The following PKHD1L1 variants were observed in gnomAD, a reference collection of about 807,000 sequenced individuals.
The protein encoded by PKHD1L1 is fibrocystin-L.
In PKHD1L1, 434 loss-of-function variants were observed where a neutral mutation model predicts 462.9. The ratio of observed to expected loss-of-function variants is 0.94; its 90% CI spans 0.87 to 1.02. The LOEUF (loss-of-function observed/expected upper bound fraction) is 1.02. Among genes scored for constraint, PKHD1L1 ranks in the 50% least tolerant of loss-of-function variants. The probability of loss-of-function intolerance (pLI) is 0.00; values close to 1 mark genes in which losing one functional copy is unlikely to be tolerated. For missense variants in PKHD1L1, 5,202 were observed against 5,096.1 expected (o/e 1.02, Z -0.63); for synonymous variants, 1,781 against 1,750.0 (o/e 1.02, Z -0.44).
chr8:109,479,752 G>A, intron 54 of PKHD1L1, 113 bp downstream of exon 54: 2 of 863,790 alleles, frequency 2.3e-6, no homozygotes, highest in South Asian at 1.8e-5. Context: ...CAAGTGTGGA[G>A]AAGTGGACTC....
rs1820620259 is a variant in PKHD1L1, at chr8:109,522,831, G to A, written c.12271G>A (p.Ala4091Thr). The part of the protein sequence containing the change: ...SSLLVITQPV[A>T]AQPGQPFPQQ... ...ACTCTTAGTGATCACTCAGCCGGTG[G>A]CAGCACAGCCAGGACAGCCATTTCC... The change falls in exon 75 of 78, where the codon GCA becomes ACA. Residue 4091 changes from alanine to threonine, a missense_variant. Physicochemically the swap from Ala to Thr is moderately conservative, Grantham distance 58 (BLOSUM62 0). Coordinates refer to ENST00000378402, the MANE Select transcript of PKHD1L1 (RefSeq NM_177531.6). 4 of 1,612,088 alleles carry A rather than the reference G, an allele frequency of 2.5e-6. No individual in the cohort carries two copies. In the South Asian group the frequency reaches 4.4e-5, roughly 18 times the overall value.
chr8:109,464,054 G>A (rs1290659520), intron 48 of PKHD1L1, among the ~76,000 whole-genome samples, 162 bp from the exon 49 acceptor site: 1 of 151,928 alleles, frequency 6.6e-6, no homozygotes, highest in Non-Finnish European at 1.5e-5. Context: ...ATAAAACATG[G>A]TGGGTTGGGG....
At chr8:109,475,902 A>C (rs188835447) in intron 51 of PKHD1L1, among the ~76,000 whole-genome samples, 39 of 141,888 alleles carry the variant, frequency 2.7e-4, no homozygotes, top group African/African-American at 9.6e-4. Context: ...CATTCTGTGA[A>C]TATTTACTTT....
chr8:109,452,387 C>T, intron 42 of PKHD1L1, 107 bp downstream of exon 42: 2 of 1,059,570 alleles, frequency 1.9e-6, no homozygotes, highest in Non-Finnish European at 2.5e-6. Flanking sequence ...AAAAAAATAA[C>T]TGAGCTGTGA....
At chr8:109,414,731 C>G (rs903820040) in intron 21 of PKHD1L1, among the ~76,000 whole-genome samples, 8 of 151,966 alleles carry the variant, frequency 5.3e-5, no homozygotes, top group Non-Finnish European at 7.4e-5. Context: ...AGCTTCTCCT[C>G]TTGACACCCA....
chr8:109,408,472 C>T (rs1813676426), intron 18 of PKHD1L1, among the ~76,000 whole-genome samples: 1 of 152,122 alleles, frequency 6.6e-6, no homozygotes, highest in Non-Finnish European at 1.5e-5. Context: ...TGTGTAGAAG[C>T]TTTGAGTCCC....
chr8:109,472,606 C>A (rs1817779239), intron 50 of PKHD1L1, among the ~76,000 whole-genome samples: 2 of 151,900 alleles, frequency 1.3e-5, no homozygotes. Context: ...CAGGACATTG[C>A]AAATAGTAAC....
At chr8:109,440,630 A>G (rs1815724742) in intron 32 of PKHD1L1, 80 bp from the exon 33 acceptor site, 1 of 1,283,898 alleles carries the variant, frequency 7.8e-7, no homozygotes, top group East Asian at 2.4e-5. Flanking sequence ...CTCTTTCTAA[A>G]GAAGTCATAT....
intron 21 of PKHD1L1, among the ~76,000 whole-genome samples, chr8:109,414,462 G>A (rs187537358): frequency 3.9e-5 from 6 of 151,954 alleles, no homozygotes; most frequent in Non-Finnish European, 7.4e-5. Context: ...AACCATGGTG[G>A]GATCTCCATA....
At chr8:109,500,005 G>A (rs73704045) in intron 67 of PKHD1L1, among the ~76,000 whole-genome samples, 6,872 of 152,200 alleles carry the variant, frequency 0.045, 411 homozygotes, top group African/African-American at 0.14. Context: ...CGGGTATGTG[G>A]CTCCTTTTTG....
chr8:109,480,482 C>A, intron 55 of PKHD1L1: 1 of 426,702 alleles, frequency 2.3e-6, no homozygotes, highest in South Asian at 1.8e-5. Flanking sequence ...AGAATTTAAG[C>A]CTTTTGTTCT....
At chr8:109,465,931 A>G (rs1817417648) in intron 49 of PKHD1L1, among the ~76,000 whole-genome samples, 1 of 152,202 alleles carries the variant, frequency 6.6e-6, no homozygotes, top group Admixed American at 6.5e-5. Context: ...ACAAATTGTA[A>G]ATGATAAAAA....
Position 109,400,070 on chromosome 8 carries a change from A to T in PKHD1L1, c.1013-6A>T, listed in dbSNP as rs1406717316. The T allele has an allele frequency of 1.9e-6, 3 of 1,606,326 alleles. No homozygotes were observed. The highest frequency in any genetic ancestry group is 2.7e-5 in the African/African-American group (2 of 74,536). The stretch of plus-strand genomic sequence containing the variant: ...TGAAAGTCTTATTTTATTTCATTAC[A>T]CTTAGGAGGGAGAGGCCTGAAGCTT... On this transcript the variant is annotated splice_region_variant and splice_polypyrimidine_tract_variant and intron_variant, in intron 12 of 77. Transcript: ENST00000378402.
At chr8:109,417,265 T>G (rs992930157) in intron 21 of PKHD1L1, among the ~76,000 whole-genome samples, 2 of 152,146 alleles carry the variant, frequency 1.3e-5, no homozygotes, top group African/African-American at 4.8e-5. Context: ...TTACATGATA[T>G]GATTATTATG....
At chr8:109,421,775 C>A (rs1310776864) in intron 23 of PKHD1L1, among the ~76,000 whole-genome samples, 1 of 151,380 alleles carries the variant, frequency 6.6e-6, no homozygotes, top group Non-Finnish European at 1.5e-5. Context: ...CAGAGCGAGA[C>A]TCTGTCTCAA....
At chr8:109,459,287 G>A (rs1264707181) in intron 46 of PKHD1L1, among the ~76,000 whole-genome samples, 1 of 152,024 alleles carries the variant, frequency 6.6e-6, no homozygotes, top group East Asian at 1.9e-4. Context: ...ATCCTCAATT[G>A]AGAACCACTG....
At chr8:109,378,373 A>C (rs1189668818) in intron 2 of PKHD1L1, among the ~76,000 whole-genome samples, 1 of 152,100 alleles carries the variant, frequency 6.6e-6, no homozygotes, top group Non-Finnish European at 1.5e-5. Context: ...AAATAACCTA[A>C]GTGCCTTCAT....
At chr8:109,495,553 T>A (rs1040868332) in intron 63 of PKHD1L1, among the ~76,000 whole-genome samples, 1 of 152,062 alleles carries the variant, frequency 6.6e-6, no homozygotes, top group African/African-American at 2.4e-5. Flanking sequence ...TCTGGGAAAC[T>A]GGGGATAGTG....
At chr8:109,458,993 T>C (rs1816967550) in intron 46 of PKHD1L1, among the ~76,000 whole-genome samples, 1 of 152,118 alleles carries the variant, frequency 6.6e-6, no homozygotes, top group African/African-American at 2.4e-5. Context: ...ATTTGGGGTA[T>C]ATTTGGAGGA....
Sources: allele counts gnomAD v4.1 joint callset (sites outside exome capture counted in the v4.1 genomes callset), GRCh38; gene constraint gnomAD v4.1.1; transcripts MANE v1.5; gene names NCBI Gene and HGNC (gene_info 2026-07-23, HGNC 2026-07-21).